The following ANKS1B variants were observed in gnomAD, a reference collection of about 807,000 sequenced individuals.
ANKS1B encodes ankyrin repeat and sterile alpha motif domain containing 1B.
ANKS1B carries 36 observed loss-of-function variants against 148.3 expected under a neutral mutation model. The ratio of observed to expected loss-of-function variants is 0.24; its 90% CI spans 0.19 to 0.32. The LOEUF (loss-of-function observed/expected upper bound fraction) is 0.32, where lower values mean the gene tolerates loss of function less well. Ranked by LOEUF, ANKS1B falls within the 10% of genes least tolerant of loss-of-function variation. ANKS1B has a pLI of 1.00. For synonymous variants in ANKS1B, 542 were observed against 560.8 expected, an observed-to-expected ratio of 0.97 and a Z score of 0.47; for missense variants, 1,157 against 1,542.6, an observed-to-expected ratio of 0.75 and a Z score of 4.19.
chr12:98,948,947 CTTTTTT>C (rs869145338), intron 17 of ANKS1B, among the ~76,000 whole-genome samples: 4 of 84,862 alleles, frequency 4.7e-5, no homozygotes, highest in African/African-American at 2.0e-4. Context: ...GCATGAGCTA[CTTTTTT>C]TTTTTTTTTT....
In ANKS1B at chr12:99,407,240, G is replaced by A. The variant is rs940650773; in HGVS notation, c.1576-7429C>T. On this transcript the variant is annotated intron_variant, in intron 11 of 26. Coordinates refer to ENST00000683438, the MANE Select transcript of ANKS1B (RefSeq NM_001352186.2). ...TGGTTCAACTTATGTAAATCAATCA[G>A]ATAATACAACATACCAGCAAAATTA... is the stretch of plus-strand genomic sequence containing the variant. Among the ~76,000 whole-genome samples, 18 of 145,866 alleles carry A rather than the reference G, an allele frequency of 1.2e-4. 1 individual carries two copies. Among genetic ancestry groups the A allele is most frequent in the South Asian group, 2.1e-4 (1 of 4,762 alleles).
At position 99,404,111 on chromosome 12, in the gene ANKS1B, G is replaced by A. The variant is rs767588286; in HGVS notation, c.1576-4300C>T. 5.5e-5 allele frequency among the ~76,000 whole-genome samples: 8 copies of A among 146,120 alleles called. 1 individual carries two copies. Among genetic ancestry groups the A allele is most frequent in the Non-Finnish European group, 7.6e-5 (5 of 66,206 alleles). ...AAATATTGCATGTTCTCACTTATATGTGGGAGCTAAATTATAACTAATGGA... is the reference window on the plus strand; with the variant it reads ...AAATATTGCATGTTCTCACTTATATATGGGAGCTAAATTATAACTAATGGA... On this transcript the variant is annotated intron_variant, in intron 11 of 26. Coordinates refer to ENST00000683438, the MANE Select transcript of ANKS1B (RefSeq NM_001352186.2).
At chr12:99,625,372 C>A (rs952702619) in intron 9 of ANKS1B, among the ~76,000 whole-genome samples, 2 of 151,902 alleles carry the variant, frequency 1.3e-5, no homozygotes, top group African/African-American at 4.8e-5. Flanking sequence ...GCACATGTAC[C>A]CCGACTCTAA....
intron 19 of ANKS1B, among the ~76,000 whole-genome samples, chr12:98,826,982 G>GA (rs60021240): frequency 0.056 from 8,480 of 151,978 alleles, 439 homozygotes; most frequent in African/African-American, 0.14. Context: ...GGTAGAATAA[G>GA]AAAAAAACAA....
At chr12:99,303,261 T>G (rs576461652) in intron 12 of ANKS1B, among the ~76,000 whole-genome samples, 1 of 152,292 alleles carries the variant, frequency 6.6e-6, no homozygotes, top group East Asian at 1.9e-4. Flanking sequence ...ACATCATAGA[T>G]GAAATGCAAG....
chr12:99,173,360 C>G (rs2078006503), intron 14 of ANKS1B, among the ~76,000 whole-genome samples: 1 of 152,090 alleles, frequency 6.6e-6, no homozygotes, highest in Admixed American at 6.6e-5. Flanking sequence ...GGGCTAAAAA[C>G]TGGTTTCTGC....
rs189262953 is a variant in ANKS1B at position 99,549,138 on chromosome 12, A to G, written c.1273-44497T>C. 2.2e-4 allele frequency among the ~76,000 whole-genome samples: 33 copies of G among 152,274 alleles called. 2 individuals are homozygous for G. The highest frequency in any genetic ancestry group is 1.9e-3 in the East Asian group (10 of 5,188). On this transcript the variant is annotated intron_variant, in intron 9 of 26. Coordinates refer to ENST00000683438, the MANE Select transcript of ANKS1B (RefSeq NM_001352186.2). ...AACCGAAACTCTAGATAGGTCATACAATAGTTAGAGAGCATCAACCCATGT... is the reference window on the plus strand; with the variant it reads ...AACCGAAACTCTAGATAGGTCATACGATAGTTAGAGAGCATCAACCCATGT...
chr12:99,554,982 G>C (rs1287825128), intron 9 of ANKS1B, among the ~76,000 whole-genome samples: 3 of 152,120 alleles, frequency 2.0e-5, no homozygotes, highest in African/African-American at 7.2e-5. Context: ...AGTTTGCTTA[G>C]GAGAATGGCC....
intron 8 of ANKS1B, among the ~76,000 whole-genome samples, chr12:99,730,956 G>C (rs556280028): frequency 3.3e-5 from 5 of 152,212 alleles, no homozygotes; most frequent in Non-Finnish European, 2.9e-5. Context: ...TTGTTTTTGA[G>C]ATAGAGTTTC....
chr12:98,753,515 C>T (rs189424550), intron 25 of ANKS1B, among the ~76,000 whole-genome samples: 35 of 152,292 alleles, frequency 2.3e-4, no homozygotes, highest in Admixed American at 2.2e-3. Context: ...GCCACCTCCA[C>T]CTCTTGGGTT....
intron 9 of ANKS1B, among the ~76,000 whole-genome samples, chr12:99,641,292 T>A (rs2098302058): frequency 6.6e-6 from 1 of 152,218 alleles, no homozygotes; most frequent in African/African-American, 2.4e-5. Flanking sequence ...AGCGTCCTCA[T>A]TTTAAAGAAG....
chr12:98,829,996 TCTC>T lies in ANKS1B; in HGVS notation c.2887-646_2887-644del, dbSNP rs777721356. Among the ~76,000 whole-genome samples, 16 of 152,180 alleles carry T rather than the reference TCTC, an allele frequency of 1.1e-4. No homozygotes were observed. The highest frequency in any genetic ancestry group is 3.9e-4 in the Admixed American group (6 of 15,278). On this transcript the variant is annotated intron_variant, in intron 18 of 26. Coordinates refer to ENST00000683438, the MANE Select transcript of ANKS1B (RefSeq NM_001352186.2). The surrounding 1 kb of genome is among the most constrained non-coding windows in gnomAD (Gnocchi z 5.2). ...GATCATGGTGTTTCTCCAGATCCCT[TCTC>T]CTCCGGATATTCTGGACCTTCTATG... is the stretch of plus-strand genomic sequence containing the variant.
At chr12:99,880,746 T>A (rs572401586) in intron 1 of ANKS1B, among the ~76,000 whole-genome samples, 194 of 152,290 alleles carry the variant, frequency 1.3e-3, no homozygotes, top group Non-Finnish European at 2.2e-3. Flanking sequence ...GTTTTCTAAG[T>A]CTATCTTCTT....
intron 12 of ANKS1B, among the ~76,000 whole-genome samples, chr12:99,367,186 G>A (rs1190151047): frequency 6.6e-6 from 1 of 152,062 alleles, no homozygotes; most frequent in Non-Finnish European, 1.5e-5. Context: ...CCACTAGTCT[G>A]TTCTAATATA....
chr12:98,776,584 C>G (rs1048147412), intron 24 of ANKS1B, among the ~76,000 whole-genome samples: 1 of 152,194 alleles, frequency 6.6e-6, no homozygotes, highest in African/African-American at 2.4e-5. Context: ...GGACAGGATT[C>G]TCGGGTCCAG....
At chr12:99,884,053 T>G (rs376917796) in intron 1 of ANKS1B, among the ~76,000 whole-genome samples, 1 of 152,012 alleles carries the variant, frequency 6.6e-6, no homozygotes, top group South Asian at 2.1e-4. Flanking sequence ...AGAAGATACA[T>G]AGATACTAGG....
chr12:98,965,904 G>A (rs886195751), intron 17 of ANKS1B, among the ~76,000 whole-genome samples: 1 of 152,080 alleles, frequency 6.6e-6, no homozygotes, highest in Non-Finnish European at 1.5e-5. Flanking sequence ...AATTCAAGAT[G>A]GATTAAAGAC....
chr12:99,491,032 T>G (rs2096549750), intron 10 of ANKS1B, among the ~76,000 whole-genome samples: 2 of 152,236 alleles, frequency 1.3e-5, no homozygotes, highest in Non-Finnish European at 2.9e-5. Context: ...AAGTAAGAGC[T>G]TAAGGCTGGG....
intron 2 of ANKS1B, among the ~76,000 whole-genome samples, chr12:99,817,658 T>C (rs2082043553): frequency 6.6e-6 from 1 of 151,730 alleles, no homozygotes; most frequent in Admixed American, 6.6e-5. Context: ...CCCCTTCCTC[T>C]GCATCCTTGC....
Sources: allele counts gnomAD v4.1 joint callset (sites outside exome capture counted in the v4.1 genomes callset), GRCh38; gene constraint gnomAD v4.1.1; non-coding constraint Gnocchi (gnomAD v3.1); transcripts MANE v1.5; gene names NCBI Gene and HGNC (gene_info 2026-07-23, HGNC 2026-07-21).